SYNE1: variants seen among roughly 807,000 people sequenced by gnomAD.
SYNE1 encodes nesprin-1.
A neutral mutation model predicts 1,111.0 loss-of-function variants in SYNE1; 616 were observed. The observed-to-expected ratio is 0.55, with a 90% confidence interval of 0.52 to 0.59. SYNE1 has a LOEUF of 0.59. Among genes scored for constraint, SYNE1 ranks in the 20% least tolerant of loss-of-function variants. The pLI, the probability that SYNE1 is intolerant of heterozygous loss-of-function variation, is 0.00. For synonymous variants in SYNE1, 3,855 were observed against 3,825.8 expected, an observed-to-expected ratio of 1.01 and a Z score of -0.28; for missense variants, 10,006 against 10,417.0, an observed-to-expected ratio of 0.96 and a Z score of 1.72.
At chr6:152,240,522 G>A (rs1207034873) in intron 107 of SYNE1, among the ~76,000 whole-genome samples, 1 of 152,132 alleles carries the variant, frequency 6.6e-6, no homozygotes, top group Non-Finnish European at 1.5e-5. Context: ...AAATGTTACC[G>A]TTTGTGTATA....
rs1209533640 is a variant in SYNE1 at position 152,416,872 on chromosome 6, C to T, written c.5565G>A (p.Glu1855=). 1.9e-6 allele frequency: 3 copies of T among 1,613,772 alleles called. No individual in the cohort carries two copies. The highest frequency in any genetic ancestry group is 2.5e-6 in the Non-Finnish European group (3 of 1,179,806). Residue 1855 remains glutamate (E), a synonymous_variant, in exon 41 of 146, where the codon GAG becomes GAA. Coordinates refer to ENST00000367255, the MANE Select transcript of SYNE1 (RefSeq NM_182961.4). ...KAEDCFQLFE[E]ASQVVERRQL... ...GCCGCCTCTCCACAACCTGGCTGGC[C>T]TCCTCAAACAGCTGGAAGCAGTCCT...
chr6:152,122,661 G>A lies in SYNE1; in HGVS notation c.26169C>T (p.Gly8723=). The A allele has an allele frequency of 6.2e-7, 1 of 1,614,000 alleles. No homozygotes were observed. The highest frequency in any genetic ancestry group is 1.1e-5 in the South Asian group (1 of 91,080). Residue 8723 remains glycine, a synonymous_variant, in exon 146 of 146, where the codon GGC becomes GGT. Coordinates refer to ENST00000367255, the MANE Select transcript of SYNE1 (RefSeq NM_182961.4). Reference sequence around the variant, plus strand: ...CTGGCTCAGAAAGGGAGGAATCGGAGCCACCTTTTGTGGACCTGAGAGAAG... The same window carrying A: ...CTGGCTCAGAAAGGGAGGAATCGGAACCACCTTTTGTGGACCTGAGAGAAG... ...SSPHSRSTKG[G]SDSSLSEPGP... is the part of the protein sequence containing the mutation.
rs1437324466 is a variant in SYNE1 at position 152,133,180 on chromosome 6, A to T, written c.26001+96T>A. The T allele has an allele frequency of 4.3e-6, 5 of 1,151,094 alleles. No individual in the cohort carries two copies. In the East Asian group the frequency reaches 1.2e-4, roughly 27 times the overall value. The allele number at this position is 1,151,094 out of a possible 1,614,324, so 71.3% of individuals were successfully genotyped here. On this transcript the variant is annotated intron_variant, in intron 143 of 145. Transcript: ENST00000367255. ...TGAAAGGAGACACTCCATTCTGACA[A>T]GTACTATATTTAAAGTCTTTCTAAA...
intron 3 of SYNE1, 150 bp downstream of exon 3, chr6:152,628,115 T>C: frequency 1.3e-6 from 1 of 758,750 alleles, no homozygotes. Context: ...GAAGACAGCA[T>C]GGCCCTGTTT....
rs375057840 is a variant in SYNE1 at position 152,443,466 on chromosome 6, A to G, written c.3837+945T>C. On this transcript the variant is annotated intron_variant, in intron 30 of 145. Coordinates refer to ENST00000367255, the MANE Select transcript of SYNE1 (RefSeq NM_182961.4). ...TATTTAGTAGAGACGGGGTTTCACC[A>G]CGTTAGCCAGGATGGTCTCGATCTG... Among the ~76,000 whole-genome samples, 30 of 152,014 alleles carry G rather than the reference A, an allele frequency of 2.0e-4. No individual in the cohort carries two copies. The East Asian group carries it at 3.7e-3, about 19-fold the overall frequency.
Position 152,354,758 on chromosome 6 carries a change from T to G in SYNE1, c.10827A>C (p.Gln3609His), listed in dbSNP as rs79486252. 1.5e-3 allele frequency: 2,361 copies of G among 1,614,232 alleles called. 45 individuals are homozygous for G. In the African/African-American group the frequency reaches 0.029, roughly 20 times the overall value. ...CTGCTGTTTTGAGCCATTCATCTAC[T>G]TGCTGAAACTTTTGCTCCATTAGCC... The part of the protein sequence containing the change: ...KLRLMEQKFQ[Q>H]VDEWLKTAEE... The change falls in exon 67 of 146, where the codon CAA (glutamine) becomes CAC (histidine). Residue 3609 changes from glutamine (Q) to histidine (H), a missense_variant. Coordinates refer to ENST00000367255, the MANE Select transcript of SYNE1 (RefSeq NM_182961.4).
intron 128 of SYNE1, among the ~76,000 whole-genome samples, chr6:152,187,625 C>T (rs536528093): frequency 2.8e-4 from 43 of 152,288 alleles, no homozygotes; most frequent in African/African-American, 9.6e-4. Flanking sequence ...CTCCCCTTTT[C>T]GAAACTCAAT....
chr6:152,571,757 C>A (rs914365279), intron 3 of SYNE1, among the ~76,000 whole-genome samples: 1 of 151,900 alleles, frequency 6.6e-6, no homozygotes, highest in African/African-American at 2.4e-5. Context: ...AGGCATTTTC[C>A]CTGGCAGAGA....
chr6:152,375,732 T>G lies in SYNE1; in HGVS notation c.9324+649A>C, dbSNP rs370519152. On this transcript the variant is annotated intron_variant, in intron 58 of 145. Coordinates refer to ENST00000367255, the MANE Select transcript of SYNE1 (RefSeq NM_182961.4). ...AACAAATTTACATACCTGAAATGGT[T>G]GTTGTGAAAATTAAATGAGAAAATC... is the stretch of plus-strand genomic sequence containing the variant. Among the ~76,000 whole-genome samples the G allele has an allele frequency of 7.2e-4, 110 of 152,334 alleles. 1 individual carries two copies. The South Asian group carries it at 0.022, about 30-fold the overall frequency.
intron 4 of SYNE1, among the ~76,000 whole-genome samples, chr6:152,529,156 T>C (rs2099182484): frequency 6.6e-6 from 1 of 152,226 alleles, no homozygotes; most frequent in Non-Finnish European, 1.5e-5. Flanking sequence ...TATTTTATTA[T>C]CTTTCTCCTT....
At chr6:152,333,105 T>G (rs552680830) in intron 77 of SYNE1, among the ~76,000 whole-genome samples, 4 of 152,350 alleles carry the variant, frequency 2.6e-5, no homozygotes, top group Admixed American at 1.3e-4. Flanking sequence ...TTCTTTGCTG[T>G]AAACTAGTAA....
intron 53 of SYNE1, among the ~76,000 whole-genome samples, chr6:152,389,095 C>T (rs2097566932): frequency 6.6e-6 from 1 of 152,130 alleles, no homozygotes; most frequent in Admixed American, 6.5e-5. Context: ...ACAAAAAAAC[C>T]CTCCAAATTG....
chr6:152,528,674 G>A (rs1160661639), intron 4 of SYNE1, among the ~76,000 whole-genome samples: 2 of 152,180 alleles, frequency 1.3e-5, no homozygotes, highest in African/African-American at 4.8e-5. Context: ...AAATAAAGAT[G>A]TGACTTGAGC....
intron 13 of SYNE1, among the ~76,000 whole-genome samples, chr6:152,484,529 C>A (rs1256598391): frequency 6.6e-6 from 1 of 152,088 alleles, no homozygotes; most frequent in East Asian, 1.9e-4. Context: ...TCTAAACCAC[C>A]CAGAAGGAAG....
chr6:152,591,261 A>T (rs73005834), intron 3 of SYNE1, among the ~76,000 whole-genome samples: 1 of 152,188 alleles, frequency 6.6e-6, no homozygotes, highest in Non-Finnish European at 1.5e-5. Context: ...TTTAAACTAT[A>T]CTATACAGCC....
At chr6:152,510,540 C>A (rs2099080004) in intron 7 of SYNE1, among the ~76,000 whole-genome samples, 169 bp from the exon 8 acceptor site, 1 of 152,144 alleles carries the variant, frequency 6.6e-6, no homozygotes, top group African/African-American at 2.4e-5. Context: ...CTTTGTACTT[C>A]CCATTGCACC....
intron 137 of SYNE1, chr6:152,145,835 G>A (rs1259414135): frequency 2.1e-5 from 8 of 387,880 alleles, no homozygotes; most frequent in Non-Finnish European, 3.9e-5. Flanking sequence ...GACCAGCCTG[G>A]CCGACATGGT....
At chr6:152,365,779 A>G (rs2097064932) in intron 62 of SYNE1, among the ~76,000 whole-genome samples, 1 of 152,162 alleles carries the variant, frequency 6.6e-6, no homozygotes, top group Admixed American at 6.5e-5. Context: ...TTTTAATTCC[A>G]AGTTATAAAA....
At chr6:152,168,227 A>C in intron 130 of SYNE1, 1 of 746,784 alleles carries the variant, frequency 1.3e-6, no homozygotes, top group South Asian at 1.4e-5. Context: ...TGCAAAAGTT[A>C]GACTCTGCAG....
Sources: allele counts gnomAD v4.1 joint callset (sites outside exome capture counted in the v4.1 genomes callset), GRCh38; gene constraint gnomAD v4.1.1; transcripts MANE v1.5; gene names NCBI Gene and HGNC (gene_info 2026-07-23, HGNC 2026-07-21).